The following LOC122539214 variants were observed in gnomAD, a reference collection of about 807,000 sequenced individuals.
chr19:52,678,464 AG>A, the LOC122539214 span, among the ~76,000 whole-genome samples: 10 of 150,130 alleles, frequency 6.7e-5, no homozygotes, highest in Non-Finnish European at 1.3e-4. Flanking sequence ...AAAAAAAAAA[AG>A]AAAAAAGAAA....
At chr19:52,652,159 C>T in the LOC122539214 span, 2 of 223,606 alleles carry the variant, frequency 8.9e-6, no homozygotes, top group African/African-American at 4.7e-5. Flanking sequence ...CATTGCCACA[C>T]TGGGCGTGGT....
the LOC122539214 span, among the ~76,000 whole-genome samples, chr19:52,662,644 C>A: frequency 1.5e-4 from 23 of 152,130 alleles, no homozygotes; most frequent in Non-Finnish European, 3.1e-4. Flanking sequence ...GAAAAAGCCA[C>A]AAACTATTTG....
At chr19:52,686,523 T>C in the LOC122539214 span, among the ~76,000 whole-genome samples, 2 of 151,238 alleles carry the variant, frequency 1.3e-5, no homozygotes, top group Admixed American at 1.3e-4. Context: ...AAGAAATCTA[T>C]TACACAACAA....
the LOC122539214 span, chr19:52,652,744 T>C: frequency 7.9e-6 from 6 of 759,050 alleles, no homozygotes; most frequent in Non-Finnish European, 6.7e-6. Flanking sequence ...CCCTATACCA[T>C]GGATTGCTTG....
At chr19:52,664,760 G>A in the LOC122539214 span, among the ~76,000 whole-genome samples, 3 of 146,604 alleles carry the variant, frequency 2.0e-5, no homozygotes, top group Non-Finnish European at 4.5e-5. Context: ...GTGTGGGGGG[G>A]TGAGGGGGGA....
the LOC122539214 span, chr19:52,655,284 T>C: frequency 3.1e-6 from 1 of 324,424 alleles, no homozygotes. Flanking sequence ...CTGACAATTC[T>C]GCTCAGGGCT....
chr19:52,680,174 T>G, the LOC122539214 span, among the ~76,000 whole-genome samples: 3 of 151,942 alleles, frequency 2.0e-5, no homozygotes, highest in Non-Finnish European at 4.4e-5. Flanking sequence ...AGGGAAACTG[T>G]CTCAAAAACA....
chr19:52,689,725 T>A, the LOC122539214 span, among the ~76,000 whole-genome samples: 1 of 151,420 alleles, frequency 6.6e-6, no homozygotes, highest in Admixed American at 6.6e-5. Flanking sequence ...ATTCTTCTTT[T>A]CTCTGTCTCA....
chr19:52,659,646 AAGTG>A, the LOC122539214 span, among the ~76,000 whole-genome samples: 1 of 152,014 alleles, frequency 6.6e-6, no homozygotes, highest in Middle Eastern at 3.2e-3. Context: ...GAAGTCACAG[AAGTG>A]AGTGAGAAGA....
chr19:52,674,181 C>A, the LOC122539214 span: 1 of 152,154 alleles, frequency 6.6e-6, no homozygotes, highest in Non-Finnish European at 1.5e-5. Context: ...CAAAAGATCA[C>A]CTGTTTCCTG....
chr19:52,686,212 C>T, the LOC122539214 span, among the ~76,000 whole-genome samples: 1 of 151,988 alleles, frequency 6.6e-6, no homozygotes, highest in East Asian at 1.9e-4. Flanking sequence ...AACTAGAAAG[C>T]ATGCAGACCT....
the LOC122539214 span, among the ~76,000 whole-genome samples, chr19:52,668,747 T>A: frequency 6.6e-6 from 1 of 152,246 alleles, no homozygotes; most frequent in African/African-American, 2.4e-5. Flanking sequence ...AAGGCAATTG[T>A]TATGCTTGTG....
the LOC122539214 span, chr19:52,653,340 C>T: frequency 8.0e-7 from 1 of 1,245,348 alleles, no homozygotes; most frequent in Admixed American, 1.8e-5. Context: ...TATGAACTCT[C>T]TGATGTTGTG....
chr19:52,686,459 C>CATATATATATAT, the LOC122539214 span, among the ~76,000 whole-genome samples: 2 of 143,128 alleles, frequency 1.4e-5, no homozygotes, highest in South Asian at 4.4e-4. Flanking sequence ...AAAAAAATTA[C>CATATATATATAT]ATATATATAT....
At chr19:52,684,185 A>G in the LOC122539214 span, among the ~76,000 whole-genome samples, 1 of 152,074 alleles carries the variant, frequency 6.6e-6, no homozygotes, top group Non-Finnish European at 1.5e-5. Context: ...CCTGGCCAAC[A>G]TCGTGAAACT....
the LOC122539214 span, among the ~76,000 whole-genome samples, chr19:52,672,812 C>A: frequency 1.3e-5 from 2 of 152,104 alleles, no homozygotes; most frequent in Non-Finnish European, 2.9e-5. Flanking sequence ...GTTGGCCAGG[C>A]TGGTCTCCAA....
the LOC122539214 span, chr19:52,653,186 G>A: frequency 1.9e-5 from 29 of 1,495,016 alleles, no homozygotes; most frequent in Admixed American, 2.3e-4. Flanking sequence ...TGGCCCACAA[G>A]GGATGACTTC....
chr19:52,670,218 C>T, the LOC122539214 span, among the ~76,000 whole-genome samples: 58 of 151,924 alleles, frequency 3.8e-4, no homozygotes, highest in East Asian at 0.011. Flanking sequence ...CCCTGACTCA[C>T]TCCGATTACC....
the LOC122539214 span, among the ~76,000 whole-genome samples, chr19:52,676,193 G>C: frequency 1.3e-5 from 2 of 152,278 alleles, no homozygotes; most frequent in African/African-American, 4.8e-5. Flanking sequence ...GTGTTGGTTG[G>C]GCTGGTCTCC....
Sources: gnomAD v4.1 joint callset for allele counts (sites outside exome capture counted in the v4.1 genomes callset) on GRCh38, gnomAD v4.1.1 for gene constraint, MANE v1.5 for transcripts.